Variants in ERBIN observed in about 807,000 individuals in gnomAD.
ERBIN encodes erbb2 interacting protein, also known as densin-180-like protein.
ERBIN carries 60 observed loss-of-function variants against 158.4 expected under a neutral mutation model. That is an observed-to-expected ratio of 0.38 (90% CI 0.31 to 0.47). ERBIN has a LOEUF of 0.47. Ranked by LOEUF, ERBIN falls within the 20% of genes least tolerant of loss-of-function variation. ERBIN has a pLI of 0.99. For missense variants in ERBIN, 1,610 were observed against 1,648.0 expected (o/e 0.98, Z 0.40); for synonymous variants, 594 against 557.2 (o/e 1.07, Z -0.93).
At chr5:66,042,960 C>G in intron 15 of ERBIN, 117 bp from the exon 16 acceptor site, 2 of 743,708 alleles carry the variant, frequency 2.7e-6, no homozygotes, top group Non-Finnish European at 4.3e-6. Context: ...ATTGACCATT[C>G]TTAACTATTT....
chr5:65,997,394 CTT>C (rs1346320101), intron 4 of ERBIN, among the ~76,000 whole-genome samples: 1 of 151,964 alleles, frequency 6.6e-6, no homozygotes, highest in Non-Finnish European at 1.5e-5. Flanking sequence ...TGATATATCA[CTT>C]TTATATATAT....
At position 66,054,847 on chromosome 5, in the gene ERBIN, G is replaced by A. The variant is rs1344465107; in HGVS notation, c.3529G>A (p.Val1177Ile). ...TSPSKRPNAR[V>I]GSEHSLLDPP... is the part of the protein sequence containing the mutation. ...TCCTTCAAAAAGACCAAATGCAAGG[G>A]TTGGTTCTGAGCATTCTTTATTAGA... Residue 1177 changes from valine to isoleucine, a missense_variant, in exon 21 of 26, where the codon GTT (valine) becomes ATT (isoleucine). Physicochemically the swap from Val to Ile is conservative, Grantham distance 29. This residue lies in a region of ERBIN where 1,014 missense variants were observed against 936.1 expected (regional missense o/e 1.08). Coordinates refer to ENST00000284037, the MANE Select transcript of ERBIN (RefSeq NM_001253697.2). 6.2e-7 allele frequency: 1 copy of A among 1,613,956 alleles called. No homozygotes were observed. Among genetic ancestry groups the A allele is most frequent in the African/African-American group, 1.3e-5 (1 of 74,914 alleles).
At chr5:66,060,946 G>C (rs1760222066) in intron 21 of ERBIN, among the ~76,000 whole-genome samples, 1 of 152,156 alleles carries the variant, frequency 6.6e-6, no homozygotes, top group African/African-American at 2.4e-5. Flanking sequence ...TTGCTGAGGA[G>C]TGCTTGCTTT....
intron 13 of ERBIN, among the ~76,000 whole-genome samples, chr5:66,027,949 G>C (rs1169826409): frequency 6.6e-6 from 1 of 152,030 alleles, no homozygotes; most frequent in African/African-American, 2.4e-5. Context: ...GCAATGTTAT[G>C]AGACATTCCT....
intron 14 of ERBIN, among the ~76,000 whole-genome samples, chr5:66,033,515 T>A (rs1757101398): frequency 1.3e-5 from 2 of 152,284 alleles, no homozygotes; most frequent in African/African-American, 4.8e-5. Context: ...AAGTTGTTAA[T>A]AGGATAAATG....
rs1762415269 is a variant in ERBIN at position 66,082,193 on chromosome 5, G to C, written c.*3663G>C. 6.6e-6 allele frequency: 1 copy of C among 152,172 alleles called. No individual in the cohort carries two copies. Among genetic ancestry groups the C allele is most frequent in the Non-Finnish European group, 1.5e-5 (1 of 68,024 alleles). 9.4% of individuals were successfully genotyped at this position (152,172 alleles called of 1,614,324 possible). On this transcript the variant is annotated 3_prime_UTR_variant, in exon 26 of 26. Coordinates refer to ENST00000284037, the MANE Select transcript of ERBIN (RefSeq NM_001253697.2). ...CCACCTGAGAAGCTCATCCTAAGCTGAGAAAGCCTAAAATGTTAGAGAATG... is the reference window on the plus strand; with the variant it reads ...CCACCTGAGAAGCTCATCCTAAGCTCAGAAAGCCTAAAATGTTAGAGAATG...
chr5:65,956,704 T>C (rs1301530802), intron 1 of ERBIN, among the ~76,000 whole-genome samples: 1 of 151,950 alleles, frequency 6.6e-6, no homozygotes, highest in South Asian at 2.1e-4. Context: ...AAAAAGAAAT[T>C]TCAACCTTCA....
intron 1 of ERBIN, among the ~76,000 whole-genome samples, chr5:65,951,088 C>T (rs1746452048): frequency 6.6e-6 from 1 of 152,142 alleles, no homozygotes; most frequent in Non-Finnish European, 1.5e-5. Context: ...TATATAGAGA[C>T]TAAATGCTGG....
At chr5:65,945,697 C>T (rs926702894) in intron 1 of ERBIN, among the ~76,000 whole-genome samples, 1 of 152,084 alleles carries the variant, frequency 6.6e-6, no homozygotes, top group African/African-American at 2.4e-5. Context: ...AGCTAATTTT[C>T]TTTTTAAAAT....
rs530669515 is a variant in ERBIN at position 66,081,267 on chromosome 5, C to T, written c.*2737C>T. ...ATTTATGCTAATTAAGGAATTATCA[C>T]TTCATCTGAATCAATGAAATTCTAA... On this transcript the variant is annotated 3_prime_UTR_variant, in exon 26 of 26. Transcript: ENST00000284037. 5.9e-5 allele frequency: 9 copies of T among 152,048 alleles called. No homozygotes were observed. Among genetic ancestry groups the T allele is most frequent in the African/African-American group, 2.2e-4 (9 of 41,552 alleles). The allele number at this position is 152,048 out of a possible 1,614,324, so 9.4% of individuals were successfully genotyped here. A position where few individuals can be genotyped will look rare whatever the true frequency, so the allele number is the denominator to read the frequency against.
chr5:66,026,430 A>T lies in ERBIN; in HGVS notation c.1136+13A>T, dbSNP rs1451504950. ...TAAGTGATAATAGGTTCGTAATACT[A>T]TATTCATCAGTTGGTTTATAGGAGA... On this transcript the variant is annotated intron_variant, in intron 13 of 25. Coordinates refer to ENST00000284037, the MANE Select transcript of ERBIN (RefSeq NM_001253697.2). 1 of 1,428,244 alleles carries T rather than the reference A, an allele frequency of 7.0e-7. No homozygotes were observed. The highest frequency in any genetic ancestry group is 9.7e-7 in the Non-Finnish European group (1 of 1,033,524). The allele number at this position is 1,428,244 out of a possible 1,614,324, so 88.5% of individuals were successfully genotyped here.
At chr5:65,969,224 G>A (rs1474630660) in intron 1 of ERBIN, among the ~76,000 whole-genome samples, 1 of 152,090 alleles carries the variant, frequency 6.6e-6, no homozygotes, top group African/African-American at 2.4e-5. Context: ...AACACAAAAA[G>A]TACCTGTGAG....
intron 1 of ERBIN, among the ~76,000 whole-genome samples, chr5:65,949,874 C>A (rs1224022091): frequency 6.6e-6 from 1 of 151,998 alleles, no homozygotes; most frequent in Non-Finnish European, 1.5e-5. Context: ...GTTTTGCTAC[C>A]TTGCTCAGGC....
chr5:65,987,759 C>T (rs986594391), intron 1 of ERBIN, among the ~76,000 whole-genome samples: 11 of 151,482 alleles, frequency 7.3e-5, no homozygotes, highest in Middle Eastern at 6.8e-3. Context: ...GCAGGAGAAT[C>T]GCTTGAACCT....
intron 3 of ERBIN, among the ~76,000 whole-genome samples, chr5:65,993,559 C>T (rs1752110203): frequency 1.3e-5 from 2 of 151,978 alleles, no homozygotes; most frequent in East Asian, 1.9e-4. Flanking sequence ...AATTTTCCCT[C>T]TCATTATCCT....
At chr5:65,930,912 C>T (rs1288221314) in intron 1 of ERBIN, among the ~76,000 whole-genome samples, 1 of 152,214 alleles carries the variant, frequency 6.6e-6, no homozygotes, top group African/African-American at 2.4e-5. Flanking sequence ...CAATAGTACT[C>T]TATCACTCTA....
rs561285196 is a variant in ERBIN, at chr5:65,997,207, A to G, written c.307+2343A>G. 1.4e-4 allele frequency among the ~76,000 whole-genome samples: 21 copies of G among 152,290 alleles called. 1 individual carries two copies. Among genetic ancestry groups the G allele is most frequent in the Non-Finnish European group, 2.4e-4 (16 of 68,014 alleles). On this transcript the variant is annotated intron_variant, in intron 4 of 25. Coordinates refer to ENST00000284037, the MANE Select transcript of ERBIN (RefSeq NM_001253697.2). ...CCAGATCTTAAAGGAAAAGCTTTCA[A>G]CTTTTCATTGTTAAGTATGATGTGA...
chr5:66,037,189 T>A (rs1275202151), intron 14 of ERBIN, among the ~76,000 whole-genome samples: 1 of 152,166 alleles, frequency 6.6e-6, no homozygotes, highest in East Asian at 1.9e-4. Flanking sequence ...CATATGTGTT[T>A]TGTATATGTT....
chr5:66,058,059 A>G (rs1000780451), intron 21 of ERBIN, among the ~76,000 whole-genome samples: 2 of 152,122 alleles, frequency 1.3e-5, no homozygotes, highest in Non-Finnish European at 2.9e-5. Flanking sequence ...CAGTAATGGG[A>G]TTGCTGGGTC....
Sources: gnomAD v4.1 joint callset for allele counts (sites outside exome capture counted in the v4.1 genomes callset) on GRCh38, gnomAD v4.1.1 for gene constraint, gnomAD v4.1.1 regional missense constraint, MANE v1.5 for transcripts, NCBI Gene and HGNC (gene_info 2026-07-23, HGNC 2026-07-21) for gene names.